The following B3GALT1 variants were observed in gnomAD, a reference collection of about 807,000 sequenced individuals.
The protein encoded by B3GALT1 is UDP-Gal:betaGlcNAc beta 1,3-galactosyltransferase, polypeptide 1.
Under a neutral mutation model 23.2 loss-of-function variants are expected in B3GALT1, and 10 were observed. That is an observed-to-expected ratio of 0.43 (90% confidence interval 0.27 to 0.73). The LOEUF (loss-of-function observed/expected upper bound fraction) is 0.73. Ranked by LOEUF, B3GALT1 falls within the 30% of genes least tolerant of loss-of-function variation. The pLI, the probability that B3GALT1 is intolerant of heterozygous loss-of-function variation, is 0.21. For missense variants in B3GALT1, 299 were observed against 405.4 expected (o/e 0.74, Z 2.25); for synonymous variants, 156 against 141.5 (o/e 1.10, Z -0.73).
intron 1 of B3GALT1, among the ~76,000 whole-genome samples, chr2:167,324,099 G>A (rs1425974435): frequency 6.6e-6 from 1 of 152,038 alleles, no homozygotes; most frequent in African/African-American, 2.4e-5. Context: ...GCAGGTGCAA[G>A]ATTTGGCTAC....
chr2:167,439,542 C>T (rs1041502871), intron 1 of B3GALT1, among the ~76,000 whole-genome samples: 2 of 151,684 alleles, frequency 1.3e-5, no homozygotes, highest in African/African-American at 4.8e-5. Flanking sequence ...TAGCTTATTT[C>T]TCTTTTTTAT....
chr2:167,457,259 G>A (rs919303413), intron 1 of B3GALT1, among the ~76,000 whole-genome samples: 7 of 151,836 alleles, frequency 4.6e-5, no homozygotes, highest in African/African-American at 7.3e-5. Context: ...TGCAGCTTCC[G>A]CCTCCCAGGT....
At chr2:167,611,955 G>T (rs747090920) in intron 2 of B3GALT1, among the ~76,000 whole-genome samples, 12 of 151,948 alleles carry the variant, frequency 7.9e-5, no homozygotes, top group Admixed American at 5.9e-4. Flanking sequence ...ATATCTAACA[G>T]ATTGTTTAAT....
chr2:167,334,973 C>T (rs940430118), intron 1 of B3GALT1, among the ~76,000 whole-genome samples: 4 of 152,056 alleles, frequency 2.6e-5, no homozygotes, highest in African/African-American at 9.7e-5. Flanking sequence ...TTGCTTTATT[C>T]GATTTTCTAT....
rs191103055 is a variant in B3GALT1 at position 167,843,363 on chromosome 2, C to G, written c.-230+24570C>G. 5.5e-3 allele frequency among the ~76,000 whole-genome samples: 844 copies of G among 152,264 alleles called. 13 individuals are homozygous for G. The highest frequency in any genetic ancestry group is 4.8e-3 in the Non-Finnish European group (328 of 68,026). On this transcript the variant is annotated intron_variant, in intron 4 of 4. Transcript: ENST00000392690. Reference sequence around the variant, plus strand: ...TTTAGACCAGGGCAATCCAGCCTGTCAGACTCCATCATGCCACACTTGACC... The same window carrying G: ...TTTAGACCAGGGCAATCCAGCCTGTGAGACTCCATCATGCCACACTTGACC...
chr2:167,387,051 G>A (rs1574058734), intron 1 of B3GALT1, among the ~76,000 whole-genome samples: 1 of 149,634 alleles, frequency 6.7e-6, no homozygotes, highest in Non-Finnish European at 1.5e-5. Flanking sequence ...TAAGGAAACT[G>A]CCTTGGAAAC....
chr2:167,501,280 T>C (rs1699844459), intron 2 of B3GALT1, among the ~76,000 whole-genome samples: 1 of 152,028 alleles, frequency 6.6e-6, no homozygotes, highest in African/African-American at 2.4e-5. Flanking sequence ...TTTCTGATTG[T>C]GTATTATTAA....
chr2:167,643,587 G>A (rs1014972599), intron 2 of B3GALT1, among the ~76,000 whole-genome samples: 5 of 152,004 alleles, frequency 3.3e-5, no homozygotes, highest in Non-Finnish European at 7.4e-5. Context: ...AAAGAAAAAA[G>A]CAAAAATCCC....
rs574554395 is a variant in B3GALT1, at chr2:167,625,623, T to C, written c.-409-21286T>C. Among the ~76,000 whole-genome samples, 4 of 151,914 alleles carry C rather than the reference T, an allele frequency of 2.6e-5. No homozygotes were observed. The East Asian group carries it at 7.8e-4, about 30-fold the overall frequency. On this transcript the variant is annotated intron_variant, in intron 2 of 4. Transcript: ENST00000392690. ...AATCCGCTAATATCCAATTATTTAT[T>C]TTCCATGTCAAAGGAGAGCTTTAGA...
At chr2:167,754,946 G>C (rs1036756789) in intron 3 of B3GALT1, among the ~76,000 whole-genome samples, 1 of 152,202 alleles carries the variant, frequency 6.6e-6, no homozygotes, top group African/African-American at 2.4e-5. Flanking sequence ...TTTTGGCTTT[G>C]TGTGCAGAGC....
At chr2:167,564,944 T>C (rs1435052580) in intron 2 of B3GALT1, among the ~76,000 whole-genome samples, 2 of 152,188 alleles carry the variant, frequency 1.3e-5, no homozygotes, top group Non-Finnish European at 2.9e-5. Context: ...AGGTAATTTG[T>C]AGATTCCATG....
At chr2:167,334,947 G>C (rs1324584754) in intron 1 of B3GALT1, among the ~76,000 whole-genome samples, 1 of 152,150 alleles carries the variant, frequency 6.6e-6, no homozygotes, top group Non-Finnish European at 1.5e-5. Flanking sequence ...TATTTGTCCA[G>C]AGTTGGTTTG....
At chr2:167,828,784 C>G (rs1387078164) in intron 4 of B3GALT1, among the ~76,000 whole-genome samples, 2 of 152,158 alleles carry the variant, frequency 1.3e-5, no homozygotes, top group Admixed American at 1.3e-4. Flanking sequence ...TCTGTAGGAT[C>G]TTCATTTTGC....
At chr2:167,632,727 T>G (rs932611472) in intron 2 of B3GALT1, among the ~76,000 whole-genome samples, 3 of 152,046 alleles carry the variant, frequency 2.0e-5, no homozygotes, top group Non-Finnish European at 4.4e-5. Context: ...TTGCAAAAAT[T>G]TTCTCCCATT....
At chr2:167,432,322 G>A (rs1698718300) in intron 1 of B3GALT1, among the ~76,000 whole-genome samples, 2 of 152,152 alleles carry the variant, frequency 1.3e-5, no homozygotes, top group South Asian at 4.1e-4. Context: ...CTGAGTGGGA[G>A]GTTTTGTTAA....
At chr2:167,622,286 G>C (rs1199352761) in intron 2 of B3GALT1, among the ~76,000 whole-genome samples, 1 of 151,972 alleles carries the variant, frequency 6.6e-6, no homozygotes, top group Non-Finnish European at 1.5e-5. Context: ...AGTCTGTTGT[G>C]ATAACTTCTA....
chr2:167,775,366 C>T (rs185058140), intron 3 of B3GALT1, among the ~76,000 whole-genome samples: 2 of 152,016 alleles, frequency 1.3e-5, no homozygotes, highest in African/African-American at 2.4e-5. Flanking sequence ...GTCAGGAGTT[C>T]GAGACCAGCC....
At chr2:167,567,022 T>C (rs1172885984) in intron 2 of B3GALT1, among the ~76,000 whole-genome samples, 1 of 152,198 alleles carries the variant, frequency 6.6e-6, no homozygotes, top group Non-Finnish European at 1.5e-5. Context: ...AGAATTACAT[T>C]TTTAACAAGC....
rs540429952 is a variant in B3GALT1 at position 167,600,684 on chromosome 2, A to G, written c.-409-46225A>G. Among the ~76,000 whole-genome samples, 4 of 152,334 alleles carry G rather than the reference A, an allele frequency of 2.6e-5. No individual in the cohort carries two copies. In the South Asian group the frequency reaches 6.2e-4, roughly 24 times the overall value. On this transcript the variant is annotated intron_variant, in intron 2 of 4. Transcript: ENST00000392690. ...TCTGTTACTTAGCATAATGTTTTCA[A>G]GGTTCATCCAGGTTGTGACATGTGT...
Sources: gnomAD v4.1 joint callset for allele counts (sites outside exome capture counted in the v4.1 genomes callset) on GRCh38, gnomAD v4.1.1 for gene constraint, MANE v1.5 for transcripts, NCBI Gene and HGNC (gene_info 2026-07-23, HGNC 2026-07-21) for gene names.